KCNIP4: variants seen among roughly 807,000 people sequenced by gnomAD.
KCNIP4 encodes the protein potassium voltage-gated channel interacting protein 4, also known as Kv channel-interacting protein 4.
In KCNIP4, 12 loss-of-function variants were observed where a neutral mutation model predicts 34.0. That is an observed-to-expected ratio of 0.35 (90% confidence interval 0.23 to 0.57). The LOEUF is 0.57. Ranked by LOEUF, KCNIP4 falls within the 20% of genes least tolerant of loss-of-function variation. The probability of loss-of-function intolerance (pLI) is 0.83; values close to 1 mark genes in which losing one functional copy is unlikely to be tolerated. For missense variants in KCNIP4, 238 were observed against 311.7 expected, an observed-to-expected ratio of 0.76 and a Z score of 1.78; for synonymous variants, 124 against 102.2, an observed-to-expected ratio of 1.21 and a Z score of -1.29.
At chr4:21,324,458 C>T (rs1714819446) in intron 1 of KCNIP4, among the ~76,000 whole-genome samples, 1 of 151,986 alleles carries the variant, frequency 6.6e-6, no homozygotes, top group Non-Finnish European at 1.5e-5. Flanking sequence ...TTCCATTCTT[C>T]TGCATATGGA....
chr4:21,489,724 T>C (rs1250300398), intron 1 of KCNIP4, among the ~76,000 whole-genome samples: 6 of 152,138 alleles, frequency 3.9e-5, no homozygotes, highest in Admixed American at 3.9e-4. Flanking sequence ...GGAGGGTAGA[T>C]ATTCTGGGTT....
At chr4:21,422,196 CTTTT>C (rs35669431) in intron 1 of KCNIP4, among the ~76,000 whole-genome samples, 5 of 141,946 alleles carry the variant, frequency 3.5e-5, no homozygotes, top group Non-Finnish European at 3.1e-5. Context: ...CTGCAGCCTA[CTTTT>C]TTTTTTTTTT....
At chr4:21,943,654 A>C (rs915306052) in intron 1 of KCNIP4, among the ~76,000 whole-genome samples, 5 of 152,212 alleles carry the variant, frequency 3.3e-5, no homozygotes, top group Admixed American at 6.5e-5. Flanking sequence ...GAGCCTTGAA[A>C]ATCAAGCTAA....
intron 1 of KCNIP4, among the ~76,000 whole-genome samples, chr4:21,066,117 C>T (rs570042472): frequency 7.2e-5 from 11 of 152,152 alleles, no homozygotes; most frequent in African/African-American, 1.9e-4. Flanking sequence ...AGTTCTCATT[C>T]ATGTGGTTTG....
chr4:21,581,364 A>G (rs1473636365), intron 1 of KCNIP4, among the ~76,000 whole-genome samples: 1 of 151,944 alleles, frequency 6.6e-6, no homozygotes, highest in Non-Finnish European at 1.5e-5. Flanking sequence ...TGTTCTTTGG[A>G]TGCAAGTTAT....
At chr4:21,802,672 A>G (rs1479963121) in intron 1 of KCNIP4, among the ~76,000 whole-genome samples, 6 of 152,182 alleles carry the variant, frequency 3.9e-5, no homozygotes, top group Non-Finnish European at 8.8e-5. Context: ...ATGGGAATTA[A>G]TCACTCTCTG....
rs947082201 is a variant in KCNIP4 at position 21,554,722 on chromosome 4, C to G, written c.61+393849G>C. ...CCCCCAGATAAGGTCACTCACACTT[C>G]CTCCATGCTCCAAGGCGCTTATTGC... On this transcript the variant is annotated intron_variant, in intron 1 of 8. Transcript: ENST00000382152. Among the ~76,000 whole-genome samples the G allele has an allele frequency of 2.0e-5, 3 of 152,200 alleles. No individual in the cohort carries two copies. The East Asian group carries it at 5.8e-4, about 30-fold the overall frequency.
At chr4:20,951,584 C>T (rs1425528049) in intron 1 of KCNIP4, among the ~76,000 whole-genome samples, 1 of 152,182 alleles carries the variant, frequency 6.6e-6, no homozygotes, top group Non-Finnish European at 1.5e-5. Flanking sequence ...CCCACACACT[C>T]CCATGTGCAC....
intron 1 of KCNIP4, among the ~76,000 whole-genome samples, chr4:21,023,159 A>G (rs1740224505): frequency 6.6e-6 from 1 of 152,240 alleles, no homozygotes; most frequent in African/African-American, 2.4e-5. Flanking sequence ...CAGGAAAGGC[A>G]ATATAAAACA....
In KCNIP4 at chr4:21,457,563, G is replaced by A. The variant is rs565441636; in HGVS notation, c.61+491008C>T. ...AGCTCTTCTGGTATTGGGGAGTGGT[G>A]GGACTAGAAAAGAGTAGAGGTGTAA... On this transcript the variant is annotated intron_variant, in intron 1 of 8. Transcript: ENST00000382152. Among the ~76,000 whole-genome samples, 3 of 152,052 alleles carry A rather than the reference G, an allele frequency of 2.0e-5. No individual in the cohort carries two copies. In the East Asian group the frequency reaches 5.8e-4, roughly 29 times the overall value.
At chr4:21,015,949 A>T (rs1250582983) in intron 1 of KCNIP4, among the ~76,000 whole-genome samples, 4 of 145,100 alleles carry the variant, frequency 2.8e-5, no homozygotes, top group Admixed American at 7.0e-5. Flanking sequence ...TATATATTAA[A>T]AAAGAGAGAA....
intron 1 of KCNIP4, among the ~76,000 whole-genome samples, chr4:21,589,188 A>ACACATG (rs1741926447): frequency 2.7e-5 from 2 of 74,606 alleles, no homozygotes; most frequent in African/African-American, 1.0e-4. Flanking sequence ...ATATATATAT[A>ACACATG]TATATATATA....
chr4:21,517,413 A>G (rs1000906053), intron 1 of KCNIP4, among the ~76,000 whole-genome samples: 7 of 152,318 alleles, frequency 4.6e-5, no homozygotes, highest in Admixed American at 3.9e-4. Flanking sequence ...TCAACGTCCT[A>G]ACTTTAATAA....
intron 3 of KCNIP4, among the ~76,000 whole-genome samples, chr4:20,822,030 C>T (rs988980866): frequency 2.0e-5 from 3 of 151,670 alleles, no homozygotes; most frequent in African/African-American, 4.9e-5. Context: ...CTAAGACCCC[C>T]AAATCAAATG....
intron 1 of KCNIP4, among the ~76,000 whole-genome samples, chr4:21,317,922 C>T (rs1713958696): frequency 6.6e-6 from 1 of 152,310 alleles, no homozygotes; most frequent in East Asian, 1.9e-4. Context: ...TGAGGCCTCC[C>T]CAGCCATGTG....
chr4:21,007,139 G>T (rs192323960), intron 1 of KCNIP4, among the ~76,000 whole-genome samples: 130 of 152,264 alleles, frequency 8.5e-4, no homozygotes, highest in Admixed American at 2.2e-3. Context: ...ATTAAAATCA[G>T]CAGGTCTGGG....
At chr4:21,730,563 C>T (rs1827591) in intron 1 of KCNIP4, among the ~76,000 whole-genome samples, 95,816 of 151,828 alleles carry the variant, frequency 0.63, 32,076 homozygotes, top group African/African-American at 0.83. Flanking sequence ...AGGAAGGCTA[C>T]GAGGCTTGGA....
intron 1 of KCNIP4, among the ~76,000 whole-genome samples, chr4:21,029,173 A>G (rs1218159829): frequency 6.6e-6 from 1 of 152,196 alleles, no homozygotes; most frequent in Admixed American, 6.5e-5. Flanking sequence ...AATCTATGAG[A>G]TCACCTTCTT....
intron 1 of KCNIP4, among the ~76,000 whole-genome samples, chr4:21,192,307 G>GT (rs1755713382): frequency 6.6e-6 from 1 of 152,134 alleles, no homozygotes; most frequent in African/African-American, 2.4e-5. Flanking sequence ...TCCATTTAAG[G>GT]TATGGATTAA....
Sources: gnomAD v4.1 joint callset for allele counts (sites outside exome capture counted in the v4.1 genomes callset) on GRCh38, gnomAD v4.1.1 for gene constraint, MANE v1.5 for transcripts, NCBI Gene and HGNC (gene_info 2026-07-23, HGNC 2026-07-21) for gene names.